Variants in LOC128462377 observed in about 807,000 individuals in gnomAD.
chr16:89,372,486 A>G, the LOC128462377 span, among the ~76,000 whole-genome samples: 1 of 152,196 alleles, frequency 6.6e-6, no homozygotes, highest in African/African-American at 2.4e-5. Flanking sequence ...GAGAAGAGCG[A>G]AGGCCAAGGC....
chr16:89,389,833 C>T, the LOC128462377 span, among the ~76,000 whole-genome samples: 1 of 144,228 alleles, frequency 6.9e-6, no homozygotes, highest in Non-Finnish European at 1.5e-5. Context: ...AGGGCAAACA[C>T]CGAGTGTGGC....
chr16:89,343,342 T>A, the LOC128462377 span, among the ~76,000 whole-genome samples: 2 of 152,278 alleles, frequency 1.3e-5, no homozygotes, highest in South Asian at 2.1e-4. Flanking sequence ...AACAGAAAAA[T>A]TGACATTTAG....
the LOC128462377 span, among the ~76,000 whole-genome samples, chr16:89,337,308 T>C: frequency 6.6e-6 from 1 of 151,864 alleles, no homozygotes; most frequent in African/African-American, 2.4e-5. Flanking sequence ...TGGCTCGGAA[T>C]CCTCCGCCAC....
At chr16:89,385,090 T>C in the LOC128462377 span, among the ~76,000 whole-genome samples, 1 of 152,016 alleles carries the variant, frequency 6.6e-6, no homozygotes, top group Non-Finnish European at 1.5e-5. Flanking sequence ...TTCACCATGT[T>C]GGCCAGGCTG....
At chr16:89,339,175 C>T in the LOC128462377 span, among the ~76,000 whole-genome samples, 2 of 152,246 alleles carry the variant, frequency 1.3e-5, no homozygotes, top group African/African-American at 4.8e-5. Flanking sequence ...CTAGAAACTT[C>T]TTCCTGTGAT....
At chr16:89,352,881 C>T in the LOC128462377 span, among the ~76,000 whole-genome samples, 45 of 152,338 alleles carry the variant, frequency 3.0e-4, no homozygotes, top group South Asian at 6.0e-3. Flanking sequence ...TTTTCTCTCA[C>T]GGCTTGTTCT....
chr16:89,355,512 C>A, the LOC128462377 span, among the ~76,000 whole-genome samples: 5 of 152,148 alleles, frequency 3.3e-5, no homozygotes, highest in Admixed American at 6.5e-5. Flanking sequence ...GTGAACGTGG[C>A]CCCATGTCCG....
the LOC128462377 span, among the ~76,000 whole-genome samples, chr16:89,377,669 G>A: frequency 2.0e-5 from 3 of 152,040 alleles, no homozygotes; most frequent in Non-Finnish European, 1.5e-5. Flanking sequence ...CAGAGGGGAG[G>A]GGTTCCCACG....
the LOC128462377 span, among the ~76,000 whole-genome samples, chr16:89,385,068 T>C: frequency 2.6e-5 from 4 of 151,876 alleles, no homozygotes; most frequent in Non-Finnish European, 5.9e-5. Context: ...GTATTTTTAG[T>C]AGAGACGATA....
the LOC128462377 span, among the ~76,000 whole-genome samples, chr16:89,346,233 G>C: frequency 6.8e-6 from 1 of 147,116 alleles, no homozygotes; most frequent in Non-Finnish European, 1.5e-5. Context: ...GGGCGACAGA[G>C]GGAGACCCCG....
chr16:89,392,118 ATGGAAAC>A, the LOC128462377 span, among the ~76,000 whole-genome samples: 4 of 152,194 alleles, frequency 2.6e-5, no homozygotes, highest in Non-Finnish European at 4.4e-5. Context: ...GTTCCAGCCA[ATGGAAAC>A]CGGACACAGC....
chr16:89,392,670 G>A, the LOC128462377 span: 1 of 149,886 alleles, frequency 6.7e-6, no homozygotes, highest in East Asian at 2.0e-4. Context: ...AATGCACTTC[G>A]GATGTCAGCC....
the LOC128462377 span, among the ~76,000 whole-genome samples, chr16:89,381,954 A>G: frequency 6.6e-6 from 1 of 152,164 alleles, no homozygotes; most frequent in South Asian, 2.1e-4. Context: ...GACTGTATCT[A>G]GTTCTATCTT....
the LOC128462377 span, among the ~76,000 whole-genome samples, chr16:89,389,461 A>G: frequency 2.0e-5 from 3 of 152,348 alleles, no homozygotes; most frequent in East Asian, 5.8e-4. Flanking sequence ...TTGACACAGA[A>G]GGCAAAATTA....
the LOC128462377 span, among the ~76,000 whole-genome samples, chr16:89,399,887 C>T: frequency 4.6e-5 from 7 of 152,274 alleles, no homozygotes; most frequent in East Asian, 5.8e-4. Context: ...AGCACAGAAT[C>T]GGCTCCCAGA....
At chr16:89,319,806 T>A in the LOC128462377 span, among the ~76,000 whole-genome samples, 1 of 152,134 alleles carries the variant, frequency 6.6e-6, no homozygotes, top group East Asian at 1.9e-4. Context: ...CACTCTAGAG[T>A]CTTTTTCAAT....
At chr16:89,397,278 A>T in the LOC128462377 span, among the ~76,000 whole-genome samples, 2 of 152,240 alleles carry the variant, frequency 1.3e-5, no homozygotes, top group African/African-American at 4.8e-5. Flanking sequence ...GACAGACACC[A>T]GCCAAGAACC....
the LOC128462377 span, among the ~76,000 whole-genome samples, chr16:89,370,031 T>C: frequency 6.6e-6 from 1 of 152,116 alleles, no homozygotes; most frequent in Non-Finnish European, 1.5e-5. Flanking sequence ...GCCAAGACCA[T>C]CCAGTAACGA....
the LOC128462377 span, among the ~76,000 whole-genome samples, chr16:89,364,129 C>G: frequency 6.6e-6 from 1 of 152,160 alleles, no homozygotes; most frequent in African/African-American, 2.4e-5. Context: ...AGACATGGAG[C>G]CTTTCTTTCC....
Sources: allele counts gnomAD v4.1 joint callset (sites outside exome capture counted in the v4.1 genomes callset), GRCh38; gene constraint gnomAD v4.1.1; transcripts MANE v1.5.